HUWE1: variants seen among roughly 807,000 people sequenced by gnomAD.
The protein encoded by HUWE1 is HECT, UBA and WWE domain containing E3 ubiquitin protein ligase 1.
A neutral mutation model predicts 299.4 loss-of-function variants in HUWE1; 18 were observed. The ratio of observed to expected loss-of-function variants is 0.06; its 90% CI spans 0.04 to 0.09. The LOEUF (loss-of-function observed/expected upper bound fraction) is 0.09, where lower values mean the gene tolerates loss of function less well. Ranked by LOEUF, HUWE1 falls within the 10% of genes least tolerant of loss-of-function variation. The probability of loss-of-function intolerance (pLI) is 1.00; values close to 1 mark genes in which losing one functional copy is unlikely to be tolerated. For missense variants in HUWE1, 1,832 were observed against 3,462.3 expected, an observed-to-expected ratio of 0.53 and a Z score of 11.82; for synonymous variants, 1,317 against 1,286.1, an observed-to-expected ratio of 1.02 and a Z score of -0.51.
chrX:53,588,866 T>C (rs1280963236), intron 36 of HUWE1, among the ~76,000 whole-genome samples: 2 of 112,419 alleles, frequency 1.8e-5, no homozygotes, highest in African/African-American at 6.5e-5. Flanking sequence ...CAATCTTTCA[T>C]TTTATCTCTC....
intron 7 of HUWE1, among the ~76,000 whole-genome samples, chrX:53,638,993 A>C (rs2067394017): frequency 8.9e-6 from 1 of 112,460 alleles, no homozygotes; most frequent in Non-Finnish European, 1.9e-5. Context: ...TTTCATAAAG[A>C]CCAAAACACG....
At chrX:53,675,231 AG>A (rs2069758426) in intron 3 of HUWE1, among the ~76,000 whole-genome samples, 1 of 111,568 alleles carries the variant, frequency 9.0e-6, no homozygotes, top group African/African-American at 3.3e-5. Flanking sequence ...CACAGGAAAG[AG>A]GCTGGAGCCC....
Position 53,588,362 on chromosome X carries a change from C to T in HUWE1, c.4614+20G>A. ...TTCTTTCATGAATGAATTACAAGGC[C>T]CCAAAGATCTAAATCTTACCTCAAA... On this transcript the variant is annotated intron_variant, in intron 37 of 83. Coordinates refer to ENST00000262854, the MANE Select transcript of HUWE1 (RefSeq NM_031407.7). 8.3e-7 allele frequency: 1 copy of T among 1,200,599 alleles called. No homozygotes were observed. Among genetic ancestry groups the T allele is most frequent in the Non-Finnish European group, 1.1e-6 (1 of 888,406 alleles).
intron 3 of HUWE1, among the ~76,000 whole-genome samples, chrX:53,678,172 A>T (rs782338638): frequency 3.4e-4 from 38 of 112,188 alleles, no homozygotes; most frequent in African/African-American, 1.2e-3. Context: ...AAGCCAAATG[A>T]CTAAAAACTT....
intron 81 of HUWE1, among the ~76,000 whole-genome samples, chrX:53,535,168 C>T (rs1334146774): frequency 9.9e-5 from 11 of 111,588 alleles, no homozygotes; most frequent in African/African-American, 3.3e-4. Context: ...CTCCTCACCT[C>T]AACTGATCCG....
At chrX:53,554,563 A>G (rs1556932311) in intron 61 of HUWE1, 70 bp downstream of exon 61, 1 of 1,070,243 alleles carries the variant, frequency 9.3e-7, no homozygotes, top group African/African-American at 1.8e-5. Flanking sequence ...CAAAAGAGCA[A>G]AGAGAAGCTA....
chrX:53,605,257 A>C (rs1556995660), intron 25 of HUWE1, among the ~76,000 whole-genome samples: 1 of 112,373 alleles, frequency 8.9e-6, no homozygotes, highest in Non-Finnish European at 1.9e-5. Flanking sequence ...TCAGGTAGGC[A>C]ATTTGTTTTT....
intron 74 of HUWE1, 46 bp downstream of exon 74, chrX:53,542,397 A>C (rs2061382810): frequency 2.4e-6 from 2 of 834,173 alleles, no homozygotes; most frequent in African/African-American, 3.9e-5. Flanking sequence ...ATTCCAGAAG[A>C]CTGGCTATCC....
chrX:53,667,905 T>C (rs1230250557), intron 3 of HUWE1, among the ~76,000 whole-genome samples: 7 of 111,560 alleles, frequency 6.3e-5, no homozygotes, highest in African/African-American at 2.0e-4. Flanking sequence ...TAGGAACCAA[T>C]GCCCTAAAGA....
In HUWE1 at chrX:53,560,238, A is replaced by G. The variant is rs1556939623; in HGVS notation, c.7686T>C (p.His2562=). The G allele has an allele frequency of 1.5e-5, 18 of 1,205,870 alleles. No homozygotes were observed. The highest frequency in any genetic ancestry group is 2.0e-5 in the Non-Finnish European group (18 of 893,308). ...QLTANTGHTI[H]VHYPGNRQPN... ...GCTGGCGATTCCCAGGGTAGTGAAC[A>G]TGAATGGTGTGGCCAGTATTGGCCG... The change falls in exon 56 of 84, where the codon CAT becomes CAC. Residue 2562 remains histidine (H), a synonymous_variant. Coordinates refer to ENST00000262854, the MANE Select transcript of HUWE1 (RefSeq NM_031407.7).
At chrX:53,666,908 T>TA (rs1302030129) in intron 3 of HUWE1, among the ~76,000 whole-genome samples, 1 of 110,963 alleles carries the variant, frequency 9.0e-6, no homozygotes, top group East Asian at 2.8e-4. Context: ...TTAACAAAAC[T>TA]AAAAAAAATC....
chrX:53,584,966 G>A, intron 40 of HUWE1, 46 bp downstream of exon 40: 1 of 1,189,557 alleles, frequency 8.4e-7, no homozygotes, highest in African/African-American at 1.7e-5. Context: ...AGCCATATGT[G>A]GCCTGTGGTC....
At chrX:53,622,502 C>T (rs372172136) in intron 19 of HUWE1, among the ~76,000 whole-genome samples, 2 of 111,433 alleles carry the variant, frequency 1.8e-5, no homozygotes, top group Middle Eastern at 4.6e-3. Context: ...TTTGGTGTAA[C>T]GGGCACAAGT....
In HUWE1 at chrX:53,613,732, G is replaced by A. The variant is rs188743677; in HGVS notation, c.2261+802C>T. 6.3e-5 allele frequency among the ~76,000 whole-genome samples: 7 copies of A among 111,485 alleles called. No homozygotes were observed. The East Asian group carries it at 1.4e-3, about 22-fold the overall frequency. On this transcript the variant is annotated intron_variant, in intron 23 of 83. Coordinates refer to ENST00000262854, the MANE Select transcript of HUWE1 (RefSeq NM_031407.7). ...TCTACTAATTAATCTGGAACGAACA[G>A]ATAGTAACAAAATGAACAAAAATAA...
chrX:53,625,408 A>C (rs1298593712), intron 17 of HUWE1, 150 bp from the exon 18 acceptor site: 1 of 431,483 alleles, frequency 2.3e-6, no homozygotes, highest in Non-Finnish European at 4.1e-6. Context: ...TAGGAAGAAT[A>C]CTTAATTAAG....
rs782159467 is a variant in HUWE1 at position 53,589,660 on chromosome X, G to T, written c.4348C>A (p.Leu1450Ile). 8.3e-7 allele frequency: 1 copy of T among 1,211,641 alleles called. No homozygotes were observed. Among genetic ancestry groups the T allele is most frequent in the Non-Finnish European group, 1.1e-6 (1 of 895,371 alleles). ...TDTMLPGCFH[L>I]LDELPDTVYR... ...ACTGTGTCTGGCAGCTCATCAAGAAGGTGGAAGCAGCCTGGCAACATAGTA... is the reference window on the plus strand; with the variant it reads ...ACTGTGTCTGGCAGCTCATCAAGAATGTGGAAGCAGCCTGGCAACATAGTA... The change falls in exon 36 of 84, where the codon CTT becomes ATT. Residue 1450 changes from leucine (L) to isoleucine (I), a missense_variant. By Grantham distance (5) the Leu-to-Ile change is conservative. Coordinates refer to ENST00000262854, the MANE Select transcript of HUWE1 (RefSeq NM_031407.7).
At chrX:53,566,954 G>A (rs1050256190) in intron 49 of HUWE1, among the ~76,000 whole-genome samples, 1 of 111,537 alleles carries the variant, frequency 9.0e-6, no homozygotes, top group African/African-American at 3.3e-5. Flanking sequence ...TGCAACATGT[G>A]ATACTCACTG....
intron 49 of HUWE1, among the ~76,000 whole-genome samples, chrX:53,566,133 G>GTGTGTATATATA (rs782815282): frequency 2.6e-3 from 102 of 38,953 alleles, no homozygotes; most frequent in South Asian, 5.5e-3. Flanking sequence ...GTGTGTGTGT[G>GTGTGTATATATA]TATATATATA....
chrX:53,668,118 G>A (rs2069337750), intron 3 of HUWE1, among the ~76,000 whole-genome samples: 1 of 110,602 alleles, frequency 9.0e-6, no homozygotes, highest in Admixed American at 9.7e-5. Context: ...ATGTCCTTGG[G>A]TTTGCAGAGA....
Sources: allele counts gnomAD v4.1 joint callset (sites outside exome capture counted in the v4.1 genomes callset), GRCh38; gene constraint gnomAD v4.1.1; transcripts MANE v1.5; gene names NCBI Gene and HGNC (gene_info 2026-07-23, HGNC 2026-07-21).